PCDH15: variants seen among roughly 807,000 people sequenced by gnomAD.
PCDH15 encodes protocadherin related 15.
In PCDH15, 129 loss-of-function variants were observed where a neutral mutation model predicts 178.5. The observed-to-expected ratio is 0.72, with a 90% CI of 0.63 to 0.84. PCDH15 has a LOEUF of 0.84. PCDH15 is among the 40% of genes least tolerant of loss of function. The probability of loss-of-function intolerance (pLI) is 0.00; values close to 1 mark genes in which losing one functional copy is unlikely to be tolerated. For missense variants in PCDH15, 2,230 were observed against 2,099.9 expected (o/e 1.06, Z -1.21); for synonymous variants, 800 against 732.0 (o/e 1.09, Z -1.50).
At chr10:55,575,321 A>C (rs1842476215) in intron 2 of PCDH15, among the ~76,000 whole-genome samples, 1 of 152,174 alleles carries the variant, frequency 6.6e-6, no homozygotes, top group Non-Finnish European at 1.5e-5. Context: ...AAAAAAAGAC[A>C]AATAATGTTT....
intron 14 of PCDH15, among the ~76,000 whole-genome samples, chr10:54,145,360 G>C (rs556820784): frequency 1.8e-4 from 28 of 152,060 alleles, no homozygotes; most frequent in Non-Finnish European, 3.7e-4. Context: ...CTAAGATGAA[G>C]GTTACAGATA....
At chr10:54,419,724 A>G (rs1954979109) in intron 3 of PCDH15, among the ~76,000 whole-genome samples, 1 of 152,128 alleles carries the variant, frequency 6.6e-6, no homozygotes, top group Non-Finnish European at 1.5e-5. Flanking sequence ...TTCCCCTTAA[A>G]GCAGAATTTT....
chr10:55,588,575 G>A (rs1027308267), intron 2 of PCDH15, among the ~76,000 whole-genome samples: 4 of 151,966 alleles, frequency 2.6e-5, no homozygotes, highest in Non-Finnish European at 5.9e-5. Context: ...TAAGATGGGA[G>A]TCATAATGAT....
intron 26 of PCDH15, among the ~76,000 whole-genome samples, chr10:53,871,347 AC>A (rs2079835847): frequency 6.6e-6 from 1 of 152,070 alleles, no homozygotes; most frequent in Admixed American, 6.5e-5. Context: ...TCTCAAAAAA[AC>A]AAAACAACAA....
At chr10:55,193,248 AAAG>A (rs1186241746) in intron 1 of PCDH15, among the ~76,000 whole-genome samples, 2 of 151,928 alleles carry the variant, frequency 1.3e-5, no homozygotes, top group Admixed American at 1.3e-4. Flanking sequence ...AGCACCAATT[AAAG>A]AAGAACAGAA....
rs115764547 is a variant in PCDH15 at position 54,476,548 on chromosome 10, A to G, written c.157+51264T>C. ...TTCAGTTGCATATATGCATGTATGT[A>G]TACTGGATCATTATATAAAAGGTGT... On this transcript the variant is annotated intron_variant, in intron 3 of 37. Coordinates refer to ENST00000644397, the MANE Select transcript of PCDH15 (RefSeq NM_001384140.1). 4.2e-3 allele frequency among the ~76,000 whole-genome samples: 635 copies of G among 152,274 alleles called. 3 individuals carry two copies. Among genetic ancestry groups the G allele is most frequent in the African/African-American group, 0.015 (607 of 41,564 alleles).
In PCDH15 at chr10:55,440,548, T is replaced by C. The variant is rs189635463; in HGVS notation, c.-156+187077A>G. The stretch of plus-strand genomic sequence containing the variant: ...TGAGGCCAATAAATATGCTGCTTCT[T>C]TGAAAAATATCTAAATTCAGAAAAG... On this transcript the variant is annotated intron_variant, in intron 2 of 5. Transcript: ENST00000613346. Among the ~76,000 whole-genome samples, 35 of 152,274 alleles carry C rather than the reference T, an allele frequency of 2.3e-4. 1 individual carries two copies. In the East Asian group the frequency reaches 6.8e-3, roughly 29 times the overall value.
intron 2 of PCDH15, among the ~76,000 whole-genome samples, chr10:55,120,751 T>C (rs1341416110): frequency 6.6e-6 from 1 of 152,182 alleles, no homozygotes; most frequent in Non-Finnish European, 1.5e-5. Flanking sequence ...TGCTCTTTGG[T>C]CTCCCCAGTT....
intron 25 of PCDH15, among the ~76,000 whole-genome samples, chr10:53,907,573 C>T (rs2082765420): frequency 6.6e-6 from 1 of 152,092 alleles, no homozygotes; most frequent in Admixed American, 6.6e-5. Flanking sequence ...GGGCACCCTG[C>T]CTTATTTTTC....
intron 2 of PCDH15, among the ~76,000 whole-genome samples, chr10:54,989,186 C>T (rs930942305): frequency 5.9e-5 from 9 of 152,174 alleles, no homozygotes; most frequent in Non-Finnish European, 2.9e-5. Context: ...TATGGAAACA[C>T]CTGGATGCCC....
chr10:55,376,373 G>A (rs546275278), intron 2 of PCDH15, among the ~76,000 whole-genome samples: 39 of 152,020 alleles, frequency 2.6e-4, no homozygotes, highest in African/African-American at 8.2e-4. Context: ...TGCCCTTGGC[G>A]TCTCAGGTTT....
chr10:54,221,577 G>A (rs2052814215), intron 9 of PCDH15, among the ~76,000 whole-genome samples: 1 of 151,544 alleles, frequency 6.6e-6, no homozygotes. Context: ...AATAGGAATG[G>A]GATCATTTAT....
intron 1 of PCDH15, among the ~76,000 whole-genome samples, chr10:54,796,280 A>G (rs1352460514): frequency 1.1e-4 from 11 of 100,646 alleles, no homozygotes; most frequent in African/African-American, 4.1e-4. Flanking sequence ...CTATGTATCT[A>G]TGTATCTATC....
intron 2 of PCDH15, among the ~76,000 whole-genome samples, chr10:55,441,219 T>C (rs72805846): frequency 0.047 from 7,119 of 152,314 alleles, 265 homozygotes; most frequent in Middle Eastern, 0.1. Flanking sequence ...TACCCACCTC[T>C]GTAACCAATC....
Position 53,938,959 on chromosome 10 carries a change from GAAATTA to G in PCDH15, c.3233-10_3233-5del. 1 of 1,611,542 alleles carries G rather than the reference GAAATTA, an allele frequency of 6.2e-7. No homozygotes were observed. The highest frequency in any genetic ancestry group is 1.1e-5 in the South Asian group (1 of 91,020). The stretch of plus-strand genomic sequence containing the variant: ...ATGTTATTAATTCCAAATGTATCTA[GAAATTA>G]AAATACAATTACCTGGTCATTGTCT... On this transcript the variant is annotated splice_polypyrimidine_tract_variant and splice_region_variant and intron_variant, in intron 24 of 37. Coordinates refer to ENST00000644397, the MANE Select transcript of PCDH15 (RefSeq NM_001384140.1).
chr10:54,754,119 C>T (rs949807367), intron 1 of PCDH15, among the ~76,000 whole-genome samples: 7 of 151,962 alleles, frequency 4.6e-5, no homozygotes, highest in African/African-American at 1.5e-4. Context: ...TGAGCCACCG[C>T]GCCCGGCTCC....
intron 2 of PCDH15, among the ~76,000 whole-genome samples, chr10:55,625,031 G>T (rs1426154765): frequency 6.6e-6 from 1 of 152,134 alleles, no homozygotes; most frequent in Non-Finnish European, 1.5e-5. Flanking sequence ...AAATTAAAAG[G>T]TGAGAATAAA....
In PCDH15 at chr10:54,149,040, A is replaced by G. The variant is rs899502398; in HGVS notation, c.1784+4060T>C. On this transcript the variant is annotated intron_variant, in intron 14 of 37. Coordinates refer to ENST00000644397, the MANE Select transcript of PCDH15 (RefSeq NM_001384140.1). The stretch of plus-strand genomic sequence containing the variant: ...TTGAATCAGTTTATGCCCCAGTAAC[A>G]CTGACTAATAATTATCTATAAACAA... 2.7e-5 allele frequency among the ~76,000 whole-genome samples: 4 copies of G among 147,642 alleles called. No individual in the cohort carries two copies. The East Asian group carries it at 7.7e-4, about 29-fold the overall frequency.
intron 18 of PCDH15, among the ~76,000 whole-genome samples, chr10:54,028,203 G>C (rs1364175301): frequency 0.015 from 2,272 of 148,472 alleles, 49 homozygotes; most frequent in African/African-American, 0.054. Flanking sequence ...ATCATCACTG[G>C]CCATCAGAGA....
Sources: gnomAD v4.1 joint callset for allele counts (sites outside exome capture counted in the v4.1 genomes callset) on GRCh38, gnomAD v4.1.1 for gene constraint, MANE v1.5 for transcripts, NCBI Gene and HGNC (gene_info 2026-07-23, HGNC 2026-07-21) for gene names.